Variants in WDR62 observed in about 807,000 individuals in gnomAD.
The protein encoded by WDR62 is WD repeat-containing protein 62.
Under a neutral mutation model 160.6 loss-of-function variants are expected in WDR62, and 112 were observed. The observed-to-expected ratio is 0.70, with a 90% CI of 0.60 to 0.82. WDR62 has a LOEUF of 0.82. WDR62 is among the 40% of genes least tolerant of loss of function. The probability of loss-of-function intolerance (pLI) is 0.00; values close to 1 mark genes in which losing one functional copy is unlikely to be tolerated. For missense variants in WDR62, 1,819 were observed against 1,983.8 expected (o/e 0.92, Z 1.58); for synonymous variants, 792 against 815.1 (o/e 0.97, Z 0.48).
At chr19:36,078,430 G>A (rs1249128059) in intron 9 of WDR62, among the ~76,000 whole-genome samples, 2 of 152,030 alleles carry the variant, frequency 1.3e-5, no homozygotes, top group Non-Finnish European at 2.9e-5. Flanking sequence ...TTACAGGCGT[G>A]AGCCACTGTG....
intron 10 of WDR62, 56 bp downstream of exon 10, chr19:36,081,626 C>A: frequency 1.9e-6 from 3 of 1,612,492 alleles, no homozygotes; most frequent in Non-Finnish European, 2.5e-6. Context: ...CTACTGTAAG[C>A]TTGAATGCAG....
At chr19:36,078,746 G>A (rs1164636436) in intron 9 of WDR62, among the ~76,000 whole-genome samples, 3 of 149,362 alleles carry the variant, frequency 2.0e-5, no homozygotes. Flanking sequence ...TGAGGCAGGA[G>A]AATTGCTTGA....
Position 36,090,430 on chromosome 19 carries a change from C to G in WDR62, c.1959-15C>G, listed in dbSNP as rs1298032116. 9 of 1,613,664 alleles carry G rather than the reference C, an allele frequency of 5.6e-6. No individual in the cohort carries two copies. Among genetic ancestry groups the G allele is most frequent in the Non-Finnish European group, 7.6e-6 (9 of 1,179,764 alleles). ...GCGGGGCCCTGTTGGCCGCAACATG[C>G]CCCTACTTCCCCAGAGTCTACAACA... On this transcript the variant is annotated splice_polypyrimidine_tract_variant and intron_variant, in intron 15 of 31. Transcript: ENST00000401500.
At position 36,092,682 on chromosome 19, in the gene WDR62, T is replaced by G; in HGVS notation, c.2211-7T>G. The G allele has an allele frequency of 6.2e-7, 1 of 1,614,052 alleles. No individual in the cohort carries two copies. The highest frequency in any genetic ancestry group is 8.5e-7 in the Non-Finnish European group (1 of 1,179,950). ...CTGCCTTGTGTGTCTCTCTTTGACC[T>G]CCGCAGCTGCGTGTTCATCTGGCAC... On this transcript the variant is annotated splice_region_variant and splice_polypyrimidine_tract_variant and intron_variant, in intron 18 of 31. Transcript: ENST00000401500.
intron 9 of WDR62, among the ~76,000 whole-genome samples, chr19:36,077,741 A>G (rs1599783554): frequency 6.6e-6 from 1 of 152,092 alleles, no homozygotes; most frequent in East Asian, 1.9e-4. Flanking sequence ...GATTACAGGC[A>G]CATGCCACCA....
intron 3 of WDR62, chr19:36,061,082 C>G (rs1399843838): frequency 6.6e-6 from 1 of 152,306 alleles, no homozygotes; most frequent in Non-Finnish European, 1.5e-5. Context: ...GCCCAGTTCT[C>G]CAGGTGGATG....
intron 13 of WDR62, among the ~76,000 whole-genome samples, chr19:36,088,263 G>A (rs752463641): frequency 6.6e-5 from 10 of 152,050 alleles, no homozygotes; most frequent in Non-Finnish European, 1.3e-4. Context: ...GGCATCTCAC[G>A]CCATTGCACT....
intron 21 of WDR62, among the ~76,000 whole-genome samples, chr19:36,097,449 G>A (rs1011045430): frequency 2.6e-5 from 4 of 152,226 alleles, no homozygotes; most frequent in Non-Finnish European, 4.4e-5. Context: ...GCAGTGATAC[G>A]TGTCTGTGGT....
At chr19:36,090,627 GC>G in intron 16 of WDR62, 107 bp downstream of exon 16, 1 of 1,012,996 alleles carries the variant, frequency 9.9e-7, no homozygotes, top group African/African-American at 1.6e-5. Flanking sequence ...GCACCGCGCT[GC>G]CCAGCACCTT....
At chr19:36,085,477 A>G (rs1358601968) in intron 12 of WDR62, among the ~76,000 whole-genome samples, 2 of 138,826 alleles carry the variant, frequency 1.4e-5, no homozygotes, top group African/African-American at 2.7e-5. Context: ...CCGGAGGGCA[A>G]TGACGCGATC....
intron 9 of WDR62, among the ~76,000 whole-genome samples, chr19:36,074,633 C>T (rs1971480036): frequency 6.6e-6 from 1 of 152,176 alleles, no homozygotes; most frequent in Non-Finnish European, 1.5e-5. Context: ...GATTCAGGAT[C>T]GTGAGAAAGA....
At chr19:36,082,286 G>A (rs373118037) in intron 10 of WDR62, among the ~76,000 whole-genome samples, 2 of 152,214 alleles carry the variant, frequency 1.3e-5, no homozygotes, top group East Asian at 3.9e-4. Context: ...GTAGGACATA[G>A]AGCAGCAGCA....
rs776551919 is a variant in WDR62, at chr19:36,083,077, C to T, written c.1386C>T (p.Val462=). 3.1e-6 allele frequency: 5 copies of T among 1,612,318 alleles called. No individual in the cohort carries two copies. Among genetic ancestry groups the T allele is most frequent in the African/African-American group, 2.7e-5 (2 of 74,912 alleles). Residue 462 remains valine, a synonymous_variant, in exon 11 of 32, where the codon GTC becomes GTT. Coordinates refer to ENST00000401500, the MANE Select transcript of WDR62 (RefSeq NM_001083961.2). ...KNIFSNTLLK[V]VYVENDIQHL... ...CCTTCCTGCAGACCCTGCTGAAGGT[C>T]GTGTACGTGGAGAATGACATCCAGC...
downstream of WDR62, among the ~76,000 whole-genome samples, chr19:36,106,688 G>A (rs373054638): frequency 1.8e-4 from 27 of 152,338 alleles, no homozygotes; most frequent in East Asian, 1.7e-3. Context: ...AGCGAAGCCC[G>A]GACGGCTGGA....
At chr19:36,067,491 A>G in intron 6 of WDR62, 48 bp downstream of exon 6, 5 of 1,612,744 alleles carry the variant, frequency 3.1e-6, no homozygotes, top group Non-Finnish European at 4.2e-6. Flanking sequence ...GGGAGTCACC[A>G]TCGGTGGCAG....
rs267607176 is a variant in WDR62 at position 36,067,415 on chromosome 19, G to C, written c.671G>C (p.Trp224Ser). 6.2e-7 allele frequency: 1 copy of C among 1,614,226 alleles called. No homozygotes were observed. The highest frequency in any genetic ancestry group is 8.5e-7 in the Non-Finnish European group (1 of 1,180,030). Residue 224 changes from tryptophan (W) to serine (S), a missense_variant, in exon 6 of 32, where the codon TGG becomes TCG. Physicochemically the swap from Trp to Ser is radical, Grantham distance 177. Coordinates refer to ENST00000401500, the MANE Select transcript of WDR62 (RefSeq NM_001083961.2). ...VTVGNRHVRF[W>S]FLEVSTETKV... ...GTTGGGAACCGCCATGTGAGGTTCTGGTTCTTGGAAGTCTCCACTGAGACA... is the reference window on the plus strand; with the variant it reads ...GTTGGGAACCGCCATGTGAGGTTCTCGTTCTTGGAAGTCTCCACTGAGACA...
chr19:36,066,278 C>T lies in WDR62; in HGVS notation c.412C>T (p.Arg138Cys), dbSNP rs369843158. Residue 138 changes from arginine to cysteine, a missense_variant, in exon 5 of 32, where the codon CGC becomes TGC. This residue lies in a region of WDR62 where 934 missense variants were observed against 1,157.2 expected (regional missense o/e 0.81). Coordinates refer to ENST00000401500, the MANE Select transcript of WDR62 (RefSeq NM_001083961.2). The stretch of plus-strand genomic sequence containing the variant: ...CTAGAATGGGCATAGGCCTGCTGTG[C>T]GCATCTGGGATGTGGAGGAGAAGAA... Reference protein sequence around the residue: ...TGENGHRPAVRIWDVEEKNQV... With the variant: ...TGENGHRPAVCIWDVEEKNQV... The T allele has an allele frequency of 2.1e-5, 34 of 1,614,072 alleles. No homozygotes were observed. Among genetic ancestry groups the T allele is most frequent in the Middle Eastern group, 1.6e-4 (1 of 6,072 alleles).
At chr19:36,080,209 G>A (rs1031620410) in intron 9 of WDR62, among the ~76,000 whole-genome samples, 7 of 151,504 alleles carry the variant, frequency 4.6e-5, no homozygotes, top group South Asian at 2.1e-4. Context: ...CCAGGTTCAC[G>A]CCATTCTCCT....
At position 36,065,952 on chromosome 19, in the gene WDR62, C is replaced by T. The variant is rs779553548; in HGVS notation, c.333-6C>T. ...ACCAGTGATCAGCTCTTTTCTTTAT[C>T]CCCAGGAAGTCTCTCAGTGCTCTGG... On this transcript the variant is annotated splice_region_variant and splice_polypyrimidine_tract_variant and intron_variant, in intron 3 of 31. Transcript: ENST00000401500. 1.2e-6 allele frequency: 2 copies of T among 1,614,104 alleles called. No individual in the cohort carries two copies. Among genetic ancestry groups the T allele is most frequent in the Admixed American group, 1.7e-5 (1 of 60,024 alleles).
Sources: gnomAD v4.1 joint callset for allele counts (sites outside exome capture counted in the v4.1 genomes callset) on GRCh38, gnomAD v4.1.1 for gene constraint, gnomAD v4.1.1 regional missense constraint, MANE v1.5 for transcripts, NCBI Gene and HGNC (gene_info 2026-07-23, HGNC 2026-07-21) for gene names.